KCNN2: variants seen among roughly 807,000 people sequenced by gnomAD.
The protein encoded by KCNN2 is potassium calcium-activated channel subfamily N member 2, also known as small conductance calcium-activated potassium channel protein 2.
Under a neutral mutation model 55.5 loss-of-function variants are expected in KCNN2, and 24 were observed. The observed-to-expected ratio is 0.43, with a 90% confidence interval of 0.31 to 0.61. The LOEUF (loss-of-function observed/expected upper bound fraction) is 0.61, where lower values mean the gene tolerates loss of function less well. Among genes scored for constraint, KCNN2 ranks in the 20% least tolerant of loss-of-function variants. KCNN2 has a pLI of 0.08. For missense variants in KCNN2, 754 were observed against 853.6 expected (o/e 0.88, Z 1.45); for synonymous variants, 431 against 336.1 (o/e 1.28, Z -3.09).
intron 2 of KCNN2, among the ~76,000 whole-genome samples, chr5:114,369,567 C>A (rs867196908): frequency 6.6e-6 from 1 of 152,110 alleles, no homozygotes; most frequent in Admixed American, 6.6e-5. Context: ...AGGTAGAAAA[C>A]TTGCCTGAAT....
chr5:114,292,307 G>C (rs1580699733), intron 2 of KCNN2, among the ~76,000 whole-genome samples: 1 of 152,192 alleles, frequency 6.6e-6, no homozygotes, highest in African/African-American at 2.4e-5. Context: ...TTTTCTTCTA[G>C]GGTTTTTATG....
At chr5:114,186,532 A>G (rs750222819) in intron 1 of KCNN2, among the ~76,000 whole-genome samples, 13 of 152,196 alleles carry the variant, frequency 8.5e-5, no homozygotes, top group Non-Finnish European at 1.9e-4. Flanking sequence ...CAAAAACAAA[A>G]GAATGAAATA....
At chr5:114,334,454 G>A (rs1756881128) in intron 2 of KCNN2, among the ~76,000 whole-genome samples, 1 of 151,934 alleles carries the variant, frequency 6.6e-6, no homozygotes, top group Non-Finnish European at 1.5e-5. Flanking sequence ...GAATACAAAT[G>A]AAAAGTGTAT....
At chr5:114,092,176 A>G (rs1751158809) in intron 1 of KCNN2, among the ~76,000 whole-genome samples, 1 of 152,208 alleles carries the variant, frequency 6.6e-6, no homozygotes, top group Non-Finnish European at 1.5e-5. Context: ...GCATTGGGTA[A>G]ATGCTCCTGT....
upstream of KCNN2, among the ~76,000 whole-genome samples, chr5:114,360,656 G>T (rs528427360): frequency 1.3e-5 from 2 of 152,314 alleles, no homozygotes; most frequent in Admixed American, 1.3e-4. Context: ...TCTCTTAGAA[G>T]AAGACAGCAC....
At chr5:114,339,993 T>G (rs918951193) in intron 2 of KCNN2, among the ~76,000 whole-genome samples, 15 of 152,068 alleles carry the variant, frequency 9.9e-5, no homozygotes, top group Admixed American at 2.6e-4. Flanking sequence ...TAGCAGAACT[T>G]TAGCTTGGAA....
chr5:114,413,579 A>G (rs1388640094), intron 3 of KCNN2, among the ~76,000 whole-genome samples: 1 of 152,096 alleles, frequency 6.6e-6, no homozygotes, highest in Admixed American at 6.6e-5. Context: ...GAGCCACCAC[A>G]CCTGGCCTTG....
intron 2 of KCNN2, among the ~76,000 whole-genome samples, chr5:114,243,116 A>G (rs971047810): frequency 6.6e-6 from 1 of 152,176 alleles, no homozygotes. Flanking sequence ...TACATAGTAT[A>G]TTTTATACTG....
intron 1 of KCNN2, among the ~76,000 whole-genome samples, chr5:114,107,871 A>G (rs1217263665): frequency 6.6e-6 from 1 of 152,044 alleles, no homozygotes; most frequent in Non-Finnish European, 1.5e-5. Context: ...CTTCACTTGT[A>G]TATATTTTTA....
At chr5:114,089,393 C>G (rs1214618512) in intron 1 of KCNN2, among the ~76,000 whole-genome samples, 1 of 152,154 alleles carries the variant, frequency 6.6e-6, no homozygotes, top group African/African-American at 2.4e-5. Flanking sequence ...CGTCTTCAAT[C>G]TGGCTCACCA....
rs1561548912 is a variant in KCNN2 at position 114,272,305 on chromosome 5, CACACACACACATATATGTATGTACAT to C, written c.-185+50742_-185+50767del. On this transcript the variant is annotated intron_variant, in intron 2 of 10. Coordinates refer to the KCNN2 transcript ENST00000512097. ...CACACACATATATGTATGTACATATCACACACACACATATATGTATGTACATATACACACATATATGTATGTACATA... is the reference window on the plus strand; with the variant it reads ...CACACACATATATGTATGTACATATCATACACACATATATGTATGTACATA... Among the ~76,000 whole-genome samples the C allele has an allele frequency of 5.1e-3, 225 of 44,426 alleles. 7 individuals are homozygous for C. The highest frequency in any genetic ancestry group is 0.012 in the African/African-American group (219 of 18,382). 29.1% of individuals were successfully genotyped at this position (44,426 alleles called of 152,430 possible).
At chr5:114,107,861 C>T (rs113478469) in intron 1 of KCNN2, among the ~76,000 whole-genome samples, 1 of 151,812 alleles carries the variant, frequency 6.6e-6, no homozygotes, top group Non-Finnish European at 1.5e-5. Context: ...TAATATAAAC[C>T]TTCACTTGTA....
intron 2 of KCNN2, among the ~76,000 whole-genome samples, chr5:114,376,955 G>A (rs567197919): frequency 2.0e-5 from 3 of 152,244 alleles, no homozygotes; most frequent in African/African-American, 4.8e-5. Context: ...TTAGCTGGGC[G>A]TGGTGGTGCA....
chr5:114,393,552 CTT>C (rs1221917468), intron 2 of KCNN2, among the ~76,000 whole-genome samples: 5 of 151,898 alleles, frequency 3.3e-5, no homozygotes, highest in Non-Finnish European at 5.9e-5. Flanking sequence ...TATTAACTAA[CTT>C]ATATTCATTT....
At chr5:114,411,962 A>G (rs1441488084) in intron 3 of KCNN2, among the ~76,000 whole-genome samples, 1 of 152,204 alleles carries the variant, frequency 6.6e-6, no homozygotes, top group Non-Finnish European at 1.5e-5. Flanking sequence ...TATATACAAC[A>G]TAAGTTTTAT....
intron 1 of KCNN2, among the ~76,000 whole-genome samples, chr5:114,079,856 A>T (rs1750769945): frequency 1.3e-5 from 2 of 151,710 alleles, no homozygotes; most frequent in African/African-American, 2.4e-5. Context: ...AGAGAGAGAG[A>T]GAGAGAGAGA....
chr5:114,461,216 C>CAAAG (rs1041169516), intron 3 of KCNN2, among the ~76,000 whole-genome samples: 4 of 152,126 alleles, frequency 2.6e-5, no homozygotes, highest in Admixed American at 6.5e-5. Context: ...TATTAGGTAA[C>CAAAG]AAAGATTCTC....
chr5:114,426,276 G>A (rs1042451471), intron 3 of KCNN2, among the ~76,000 whole-genome samples: 1 of 152,124 alleles, frequency 6.6e-6, no homozygotes, highest in African/African-American at 2.4e-5. Context: ...TACTTTTCTT[G>A]TGTCTATCAA....
chr5:114,069,573 G>A (rs1750524605), intron 1 of KCNN2, among the ~76,000 whole-genome samples: 1 of 151,920 alleles, frequency 6.6e-6, no homozygotes, highest in African/African-American at 2.4e-5. Flanking sequence ...AATTACTGTG[G>A]GTTTCCAGAC....
Sources: allele counts gnomAD v4.1 joint callset (sites outside exome capture counted in the v4.1 genomes callset), GRCh38; gene constraint gnomAD v4.1.1; transcripts MANE v1.5; gene names NCBI Gene and HGNC (gene_info 2026-07-23, HGNC 2026-07-21).